RP1: variants seen among roughly 807,000 people sequenced by gnomAD.
RP1 encodes the protein RP1 axonemal microtubule associated, also known as oxygen-regulated protein 1.
Under a neutral mutation model 14.8 loss-of-function variants are expected in RP1, and 16 were observed. The observed-to-expected ratio is 1.08, with a 90% CI of 0.73 to 1.65. The LOEUF is 1.65. RP1 is among the 40% of genes most tolerant of loss of function. The pLI, the probability that RP1 is intolerant of heterozygous loss-of-function variation, is 0.00. For missense variants in RP1, 2,631 were observed against 2,535.0 expected (o/e 1.04, Z -0.81); for synonymous variants, 876 against 883.6 (o/e 0.99, Z 0.15).
chr8:54,622,067 C>T, intron 2 of RP1, 50 bp from the exon 3 acceptor site: 1 of 1,579,714 alleles, frequency 6.3e-7, no homozygotes, highest in Non-Finnish European at 8.7e-7. Context: ...AAAATTACCA[C>T]TTAGTATAAA....
At chr8:54,616,234 G>C (rs992927998) in intron 1 of RP1, 32 bp downstream of exon 1, 1 of 152,048 alleles carries the variant, frequency 6.6e-6, no homozygotes, top group Admixed American at 6.6e-5. Flanking sequence ...ATCTTTCTTT[G>C]GAAAATATTC....
intron 22 of RP1, among the ~76,000 whole-genome samples, chr8:54,767,616 T>G (rs1218019212): frequency 6.6e-6 from 1 of 152,172 alleles, no homozygotes; most frequent in Non-Finnish European, 1.5e-5. Context: ...TGCCTTGGCC[T>G]CCCAAAGTGC....
intron 7 of RP1, among the ~76,000 whole-genome samples, chr8:54,664,750 A>C (rs970838393): frequency 7.2e-5 from 11 of 152,262 alleles, no homozygotes; most frequent in Non-Finnish European, 1.6e-4. Flanking sequence ...GGAATAGAAA[A>C]CCAAATACTG....
intron 23 of RP1, among the ~76,000 whole-genome samples, chr8:54,779,230 G>A (rs1285676896): frequency 2.0e-5 from 3 of 152,122 alleles, no homozygotes; most frequent in Non-Finnish European, 4.4e-5. Flanking sequence ...GGGTTTTTTC[G>A]CTTTCACTGA....
chr8:54,627,982 A>C lies in RP1; in HGVS notation c.4100A>C (p.Asp1367Ala), dbSNP rs771052001. 2 of 1,614,086 alleles carry C rather than the reference A, an allele frequency of 1.2e-6. No individual in the cohort carries two copies. The highest frequency in any genetic ancestry group is 3.3e-5 in the Admixed American group (2 of 60,034). ...DSTEELERGD[D>A]IQKDLNILTD... ...ACTGAAGAGTTAGAAAGAGGTGATGACATTCAGAAAGATCTAAATATTTTG... is the reference window on the plus strand; with the variant it reads ...ACTGAAGAGTTAGAAAGAGGTGATGCCATTCAGAAAGATCTAAATATTTTG... Residue 1367 changes from aspartate to alanine, a missense_variant, in exon 4 of 4, where the codon GAC (aspartate) becomes GCC (alanine). By Grantham distance (126) the Asp-to-Ala change is moderately radical. Transcript: ENST00000220676.
intron 1 of RP1, among the ~76,000 whole-genome samples, chr8:54,570,617 C>T (rs1026123216): frequency 4.4e-4 from 67 of 150,904 alleles, no homozygotes; most frequent in African/African-American, 9.5e-4. Flanking sequence ...TGTGAGCCAC[C>T]GCACCAGACC....
chr8:54,637,025 C>T (rs1806361824), intron 3 of RP1, among the ~76,000 whole-genome samples: 1 of 152,166 alleles, frequency 6.6e-6, no homozygotes, highest in South Asian at 2.1e-4. Context: ...ACAATGGGCT[C>T]TGTCCTGTCA....
chr8:54,780,017 G>A (rs529478314), intron 23 of RP1, among the ~76,000 whole-genome samples: 7 of 151,982 alleles, frequency 4.6e-5, no homozygotes, highest in East Asian at 1.9e-4. Context: ...ATTTTTTTGC[G>A]TGGAGCTTCT....
At position 54,601,284 on chromosome 8, in the gene RP1, A is replaced by G. The variant is rs189223104; in HGVS notation, c.-12-19671A>G. The stretch of plus-strand genomic sequence containing the variant: ...AACCTAAAATATTTTCAACATGTGG[A>G]TATGTAATTTTTTTTGAAAGAAGCG... On this transcript the variant is annotated intron_variant, in intron 1 of 22. Transcript: ENST00000636932. Among the ~76,000 whole-genome samples the G allele has an allele frequency of 4.6e-4, 69 of 148,934 alleles. 1 individual carries two copies. The East Asian group carries it at 9.3e-3, about 20-fold the overall frequency.
intron 3 of RP1, among the ~76,000 whole-genome samples, chr8:54,622,837 A>G (rs1371412252): frequency 6.6e-6 from 1 of 152,220 alleles, no homozygotes; most frequent in Admixed American, 6.5e-5. Flanking sequence ...ATAATTCTGT[A>G]GGATCTGCTG....
upstream of RP1, among the ~76,000 whole-genome samples, chr8:54,612,168 T>A (rs186317236): frequency 1.5e-3 from 221 of 152,278 alleles, 1 homozygote; most frequent in African/African-American, 5.1e-3. Context: ...TATCTTTAAA[T>A]CCCCTGGAAG....
chr8:54,752,346 C>T (rs755984287), intron 19 of RP1, among the ~76,000 whole-genome samples: 5 of 151,998 alleles, frequency 3.3e-5, no homozygotes, highest in African/African-American at 7.3e-5. Context: ...TGATAGCAGT[C>T]GTAGTTATGG....
chr8:54,735,720 A>G (rs544003320), intron 18 of RP1, among the ~76,000 whole-genome samples: 1 of 152,368 alleles, frequency 6.6e-6, no homozygotes, highest in African/African-American at 2.4e-5. Context: ...ACAGGCAGCC[A>G]TACCTTATAC....
chr8:54,786,131 T>C (rs963501939), intron 24 of RP1, among the ~76,000 whole-genome samples: 2 of 152,244 alleles, frequency 1.3e-5, no homozygotes, highest in Admixed American at 1.3e-4. Flanking sequence ...CCTTCTAGTG[T>C]TCTTTCAAAT....
intron 23 of RP1, among the ~76,000 whole-genome samples, chr8:54,782,436 T>C (rs762029597): frequency 1.3e-5 from 2 of 152,184 alleles, no homozygotes; most frequent in Admixed American, 6.6e-5. Flanking sequence ...AATCACATCT[T>C]AATGAAAGAA....
chr8:54,853,256 C>T (rs572453475), intron 26 of RP1, among the ~76,000 whole-genome samples: 14 of 152,144 alleles, frequency 9.2e-5, no homozygotes, highest in Middle Eastern at 3.4e-3. Flanking sequence ...TGAAAAGTGG[C>T]GATAGTGTGA....
At chr8:54,799,686 A>G (rs1563380003) in intron 24 of RP1, among the ~76,000 whole-genome samples, 1 of 151,704 alleles carries the variant, frequency 6.6e-6, no homozygotes, top group East Asian at 1.9e-4. Context: ...CCCATGGTTT[A>G]GAGTGTCTAT....
chr8:54,722,294 C>T (rs1166673858), intron 16 of RP1, among the ~76,000 whole-genome samples: 4 of 146,644 alleles, frequency 2.7e-5, no homozygotes, highest in African/African-American at 1.0e-4. Flanking sequence ...GTGTGTGTGA[C>T]GGAGTCTCAT....
rs184896960 is a variant in RP1, at chr8:54,581,179, C to T, written c.-13+21859C>T. ...CCTTCCCCCACCCCACAACAGGCCC[C>T]GGTGTGTGATGTTCCCCTTCCTGTG... is the stretch of plus-strand genomic sequence containing the variant. On this transcript the variant is annotated intron_variant, in intron 1 of 22. Transcript: ENST00000636932. 6.0e-3 allele frequency among the ~76,000 whole-genome samples: 911 copies of T among 151,832 alleles called. 37 individuals carry two copies. Among genetic ancestry groups the T allele is most frequent in the Admixed American group, 0.042 (638 of 15,246 alleles).
Sources: allele counts gnomAD v4.1 joint callset (sites outside exome capture counted in the v4.1 genomes callset), GRCh38; gene constraint gnomAD v4.1.1; transcripts MANE v1.5; gene names NCBI Gene and HGNC (gene_info 2026-07-23, HGNC 2026-07-21).